The following MANBAL variants were observed in gnomAD, a reference collection of about 807,000 sequenced individuals.
MANBAL encodes the protein mannosidase beta like.
In MANBAL, 1 loss-of-function variant was observed where a neutral mutation model predicts 6.4. That is an observed-to-expected ratio of 0.16 (90% CI 0.06 to 0.74). The LOEUF (loss-of-function observed/expected upper bound fraction) is 0.74. MANBAL is among the 30% of genes least tolerant of loss of function. The probability of loss-of-function intolerance (pLI) is 0.78; values close to 1 mark genes in which losing one functional copy is unlikely to be tolerated. For missense variants in MANBAL, 100 were observed against 107.8 expected (o/e 0.93, Z 0.32); for synonymous variants, 47 against 45.8 (o/e 1.03, Z -0.10).
chr20:37,308,803 G>A (rs2069317158), intron 2 of MANBAL, among the ~76,000 whole-genome samples: 1 of 152,146 alleles, frequency 6.6e-6, no homozygotes, highest in Non-Finnish European at 1.5e-5. Flanking sequence ...TAAGCAAGTG[G>A]GTGTAGACTT....
chr20:37,301,292 C>G lies in MANBAL; in HGVS notation c.29C>G (p.Pro10Arg), dbSNP rs755003934. 9.3e-6 allele frequency: 15 copies of G among 1,610,582 alleles called. No homozygotes were observed. Among genetic ancestry groups the G allele is most frequent in the Non-Finnish European group, 2.5e-6 (3 of 1,177,658 alleles). The change falls in exon 2 of 3, where the codon CCG becomes CGG. Residue 10 changes from proline (P) to arginine (R), a missense_variant. Pro to Arg is a moderately radical substitution (Grantham distance 103). Coordinates refer to ENST00000373606, the MANE Select transcript of MANBAL (RefSeq NM_001003897.2). Reference protein sequence around the residue: MASDLDFSPPEVPEPTFLEN... With the variant: MASDLDFSPREVPEPTFLEN... ...GCCTCTGACCTAGACTTCTCACCTCCGGAGGTGCCCGAGCCCACTTTCCTG... is the reference window on the plus strand; with the variant it reads ...GCCTCTGACCTAGACTTCTCACCTCGGGAGGTGCCCGAGCCCACTTTCCTG...
chr20:37,305,830 A>G (rs1201276903), intron 2 of MANBAL, among the ~76,000 whole-genome samples: 1 of 152,084 alleles, frequency 6.6e-6, no homozygotes, highest in African/African-American at 2.4e-5. Flanking sequence ...TCCATAAGGC[A>G]GCCTTTCTCA....
rs183419032 is a variant in MANBAL, at chr20:37,303,052, A to G, written c.150+1639A>G. Among the ~76,000 whole-genome samples the G allele has an allele frequency of 2.3e-3, 348 of 152,338 alleles. 1 individual carries two copies. The highest frequency in any genetic ancestry group is 3.8e-3 in the Non-Finnish European group (258 of 68,030). The stretch of plus-strand genomic sequence containing the variant: ...TTCAGCCTCCCAAGTAGCTGGGACT[A>G]CAGGTGTGCCACCATGGCTGGCTAA... On this transcript the variant is annotated intron_variant, in intron 2 of 2. Transcript: ENST00000373606.
At chr20:37,308,448 C>G (rs2069307892) in intron 2 of MANBAL, among the ~76,000 whole-genome samples, 1 of 152,122 alleles carries the variant, frequency 6.6e-6, no homozygotes, top group Non-Finnish European at 1.5e-5. Context: ...TAGTCTGACA[C>G]CACCACTGTG....
At chr20:37,293,766 CAGCT>C (rs1322238262) in intron 1 of MANBAL, among the ~76,000 whole-genome samples, 1 of 152,240 alleles carries the variant, frequency 6.6e-6, no homozygotes, top group African/African-American at 2.4e-5. Flanking sequence ...AACAACTTAT[CAGCT>C]AGAGTACAGT....
chr20:37,304,264 T>C (rs2069206740), intron 2 of MANBAL, among the ~76,000 whole-genome samples: 1 of 152,224 alleles, frequency 6.6e-6, no homozygotes, highest in South Asian at 2.1e-4. Flanking sequence ...AATCTGTTTT[T>C]AATTTTTAGA....
At chr20:37,304,478 A>C (rs1026566514) in intron 2 of MANBAL, among the ~76,000 whole-genome samples, 1 of 152,212 alleles carries the variant, frequency 6.6e-6, no homozygotes, top group South Asian at 2.1e-4. Flanking sequence ...TGAAAACAGT[A>C]ACAAATGCAT....
intron 1 of MANBAL, among the ~76,000 whole-genome samples, chr20:37,290,703 C>G (rs1414709675): frequency 1.3e-5 from 2 of 152,208 alleles, no homozygotes; most frequent in African/African-American, 4.8e-5. Context: ...AGGTGATCCA[C>G]CCGCCTCGGC....
chr20:37,316,650 T>G lies in MANBAL; in HGVS notation c.*235T>G. On this transcript the variant is annotated 3_prime_UTR_variant, in exon 3 of 3. Transcript: ENST00000373606. ...TAGAGTCAAGGGGGCTGAAACACAC[T>G]GTGAGCATAGACTGTATTAGGTTTG... 7.2e-6 allele frequency: 3 copies of G among 415,010 alleles called. No homozygotes were observed. Among genetic ancestry groups the G allele is most frequent in the Non-Finnish European group, 1.3e-5 (3 of 223,444 alleles). The allele number at this position is 415,010 out of a possible 1,614,324, so 25.7% of individuals were successfully genotyped here. A position where few individuals can be genotyped will look rare whatever the true frequency, so the allele number is the denominator to read the frequency against.
rs368274418 is a variant in MANBAL, at chr20:37,308,672, C to CA, written c.150+7260dup. On this transcript the variant is annotated intron_variant, in intron 2 of 2. Transcript: ENST00000373606. Reference sequence around the variant, plus strand: ...ATGGAGTGCAGTGGGAAGTGGGGGACAGGTTTCTTCTCAAGGTGGGGAGCC... The same window carrying CA: ...ATGGAGTGCAGTGGGAAGTGGGGGACAAGGTTTCTTCTCAAGGTGGGGAGCC... Among the ~76,000 whole-genome samples, 301 of 152,162 alleles carry CA rather than the reference C, an allele frequency of 2.0e-3. 1 individual carries two copies. The highest frequency in any genetic ancestry group is 6.9e-3 in the African/African-American group (288 of 41,520).
intron 1 of MANBAL, among the ~76,000 whole-genome samples, chr20:37,295,191 G>A (rs1568598156): frequency 6.6e-6 from 1 of 152,138 alleles, no homozygotes; most frequent in Non-Finnish European, 1.5e-5. Context: ...TCTTGCTTTC[G>A]AGGTGGGAAA....
chr20:37,302,361 C>T (rs2069159836), intron 2 of MANBAL: 1 of 1,549,364 alleles, frequency 6.5e-7, no homozygotes, highest in Admixed American at 2.0e-5. Context: ...GTACTCCCTA[C>T]TGTGTGGCAT....
At chr20:37,302,435 G>C in intron 2 of MANBAL, 1 of 1,363,388 alleles carries the variant, frequency 7.3e-7, no homozygotes, top group Non-Finnish European at 1.0e-6. Context: ...GGTGGGTTTA[G>C]GTGGTATCAG....
At chr20:37,312,612 A>G (rs1270939778) in intron 2 of MANBAL, among the ~76,000 whole-genome samples, 2 of 152,176 alleles carry the variant, frequency 1.3e-5, no homozygotes, top group Non-Finnish European at 2.9e-5. Flanking sequence ...GCATATTATA[A>G]ACAATAAATA....
intron 2 of MANBAL, 141 bp downstream of exon 2, chr20:37,301,554 G>C (rs2146805196): frequency 2.1e-6 from 2 of 944,290 alleles, no homozygotes; most frequent in South Asian, 4.6e-5. Flanking sequence ...TTTCCACCTG[G>C]TGGGTTGAAC....
At chr20:37,302,459 T>A in intron 2 of MANBAL, 1 of 1,088,598 alleles carries the variant, frequency 9.2e-7, no homozygotes, top group Non-Finnish European at 1.3e-6. Context: ...ATCCCTCCAT[T>A]ATAAAAATCC....
At chr20:37,316,268 G>T in intron 2 of MANBAL, 40 bp from the exon 3 acceptor site, 1 of 1,572,856 alleles carries the variant, frequency 6.4e-7, no homozygotes, top group South Asian at 1.1e-5. Context: ...CGTCAGGCTT[G>T]ATCCATCTAA....
chr20:37,301,299 G>T lies in MANBAL; in HGVS notation c.36G>T (p.Val12=). The T allele has an allele frequency of 3.1e-6, 5 of 1,611,568 alleles. No homozygotes were observed. The highest frequency in any genetic ancestry group is 4.2e-6 in the Non-Finnish European group (5 of 1,178,340). Residue 12 remains valine, a synonymous_variant, in exon 2 of 3, where the codon GTG becomes GTT. Transcript: ENST00000373606. ...ASDLDFSPPE[V]PEPTFLENLL... ...ACCTAGACTTCTCACCTCCGGAGGTGCCCGAGCCCACTTTCCTGGAGAACC... is the reference window on the plus strand; with the variant it reads ...ACCTAGACTTCTCACCTCCGGAGGTTCCCGAGCCCACTTTCCTGGAGAACC...
Position 37,316,706 on chromosome 20 carries a change from A to T in MANBAL, c.*291A>T. 4.1e-6 allele frequency: 1 copy of T among 241,610 alleles called. No homozygotes were observed. Among genetic ancestry groups the T allele is most frequent in the South Asian group, 6.1e-5 (1 of 16,438 alleles). The allele number at this position is 241,610 out of a possible 1,614,324, so 15.0% of individuals were successfully genotyped here. A position where few individuals can be genotyped will look rare whatever the true frequency, so the allele number is the denominator to read the frequency against. On this transcript the variant is annotated 3_prime_UTR_variant, in exon 3 of 3. Transcript: ENST00000373606. Reference sequence around the variant, plus strand: ...AAGCCGGGTCAGCTCACAGAGTCACATTTTCTTGCTTAGTCATGTGTCCCT... The same window carrying T: ...AAGCCGGGTCAGCTCACAGAGTCACTTTTTCTTGCTTAGTCATGTGTCCCT...
Sources: gnomAD v4.1 joint callset for allele counts (sites outside exome capture counted in the v4.1 genomes callset) on GRCh38, gnomAD v4.1.1 for gene constraint, MANE v1.5 for transcripts, NCBI Gene and HGNC (gene_info 2026-07-23, HGNC 2026-07-21) for gene names.